The following MFSD2A variants were observed in gnomAD, a reference collection of about 807,000 sequenced individuals.
MFSD2A encodes sodium-dependent lysophosphatidylcholine symporter 1.
Under a neutral mutation model 64.7 loss-of-function variants are expected in MFSD2A, and 27 were observed. The observed-to-expected ratio is 0.42, with a 90% CI of 0.31 to 0.58. The LOEUF is 0.58. Ranked by LOEUF, MFSD2A falls within the 20% of genes least tolerant of loss-of-function variation. MFSD2A has a pLI of 0.18. For missense variants in MFSD2A, 474 were observed against 679.5 expected (o/e 0.70, Z 3.36); for synonymous variants, 258 against 273.4 (o/e 0.94, Z 0.55).
At position 39,965,334 on chromosome 1, in the gene MFSD2A, G is replaced by A. The variant is rs368484982; in HGVS notation, c.477G>A (p.Thr159=). Residue 159 remains threonine (T), a splice_region_variant and synonymous_variant, in exon 4 of 14, where the codon ACG becomes ACA. Coordinates refer to ENST00000372811, the MANE Select transcript of MFSD2A (RefSeq NM_032793.5). This position sits in a 1 kb window ranked among gnomAD's most constrained non-coding sequence, Gnocchi z 5.5. ...ATTGCCTCTTTGAAACAATGGTCACGGTGAGTGTGGGTACCTCCCTTGGGT... is the reference window on the plus strand; with the variant it reads ...ATTGCCTCTTTGAAACAATGGTCACAGTGAGTGTGGGTACCTCCCTTGGGT... The part of the protein sequence containing the change: ...LFYCLFETMV[T]CFHVPYSALT... 5.0e-6 allele frequency: 8 copies of A among 1,614,082 alleles called. No homozygotes were observed. The East Asian group carries it at 6.7e-5, about 13-fold the overall frequency.
intron 1 of MFSD2A, 82 bp from the exon 2 acceptor site, chr1:39,957,005 C>T: frequency 6.6e-7 from 1 of 1,517,108 alleles, no homozygotes; most frequent in Non-Finnish European, 9.1e-7. Context: ...GTAGAGCTGG[C>T]CAGAGGGATG....
chr1:39,968,617 G>A lies in MFSD2A; in HGVS notation c.1401G>A (p.Lys467=). The change falls in exon 13 of 14, where the codon AAG becomes AAA. Residue 467 remains lysine (K), a synonymous_variant. Transcript: ENST00000372811. This position sits in a 1 kb window ranked among gnomAD's most constrained non-coding sequence, Gnocchi z 4.4. The stretch of plus-strand genomic sequence containing the variant: ...GCTGCTCGCAGCCGGAACGTGTCAA[G>A]TTTACACTGAACATGCTCGTGACCA... ...TRGCSQPERV[K]FTLNMLVTMA... 5.0e-6 allele frequency: 8 copies of A among 1,614,184 alleles called. No homozygotes were observed. The highest frequency in any genetic ancestry group is 1.3e-5 in the African/African-American group (1 of 75,030).
chr1:39,962,222 C>T (rs929079961), intron 3 of MFSD2A, among the ~76,000 whole-genome samples: 7 of 152,168 alleles, frequency 4.6e-5, no homozygotes, highest in South Asian at 2.1e-4. Flanking sequence ...AGGCCTGATA[C>T]GCACCTATCT....
At chr1:39,961,713 T>C (rs1380032187) in intron 3 of MFSD2A, among the ~76,000 whole-genome samples, 1 of 151,760 alleles carries the variant, frequency 6.6e-6, no homozygotes. Context: ...GGTCTTGTTA[T>C]GTTGCCCAGG....
In MFSD2A at chr1:39,955,728, G is replaced by T. The variant is rs1224914674; in HGVS notation, c.93+343G>T. 1.9e-6 allele frequency: 1 copy of T among 538,868 alleles called. No homozygotes were observed. 33.4% of individuals were successfully genotyped at this position (538,868 alleles called of 1,614,324 possible). On this transcript the variant is annotated intron_variant, in intron 1 of 13. Transcript: ENST00000372811. The surrounding 1 kb of genome is among the most constrained non-coding windows in gnomAD (Gnocchi z 5.9). The stretch of plus-strand genomic sequence containing the variant: ...CCCAGAGATGACCCCAGAAATCTGG[G>T]AAACTCCCCTTGGTTCCCCATCTCT...
rs1645146543 is a variant in MFSD2A, at chr1:39,965,730, T to C, written c.557-127T>C. 1 of 1,297,866 alleles carries C rather than the reference T, an allele frequency of 7.7e-7. No homozygotes were observed. The highest frequency in any genetic ancestry group is 2.0e-5 in the Admixed American group (1 of 49,720). The allele number at this position is 1,297,866 out of a possible 1,614,324, so 80.4% of individuals were successfully genotyped here. A position where few individuals can be genotyped will look rare whatever the true frequency, so the allele number is the denominator to read the frequency against. Reference sequence around the variant, plus strand: ...AGGTGCATATGCGTTCAAACCAAGGTGTCACCTACCCCACTACCTCTACCC... The same window carrying C: ...AGGTGCATATGCGTTCAAACCAAGGCGTCACCTACCCCACTACCTCTACCC... On this transcript the variant is annotated intron_variant, in intron 5 of 13. Transcript: ENST00000372811. The surrounding 1 kb of genome is among the most constrained non-coding windows in gnomAD (Gnocchi z 5.5).
intron 2 of MFSD2A, among the ~76,000 whole-genome samples, chr1:39,957,513 T>A (rs1357732435): frequency 6.6e-6 from 1 of 152,190 alleles, no homozygotes; most frequent in African/African-American, 2.4e-5. Context: ...TGGGGCCTGC[T>A]GGGGATGCTG....
rs767532070 is a variant in MFSD2A at position 39,968,145 on chromosome 1, C to A, written c.1209-189C>A. The A allele has an allele frequency of 1.8e-5, 13 of 725,134 alleles. No individual in the cohort carries two copies. Among genetic ancestry groups the A allele is most frequent in the Non-Finnish European group, 2.9e-5 (13 of 449,094 alleles). 44.9% of individuals were successfully genotyped at this position (725,134 alleles called of 1,614,324 possible). ...AATCTGGCCTGGGCTCCACTTGCCACGCTGAGCACCTCCAGGCAGGGTTAC... is the reference window on the plus strand; with the variant it reads ...AATCTGGCCTGGGCTCCACTTGCCAAGCTGAGCACCTCCAGGCAGGGTTAC... On this transcript the variant is annotated intron_variant, in intron 11 of 13. Coordinates refer to ENST00000372811, the MANE Select transcript of MFSD2A (RefSeq NM_032793.5). The surrounding 1 kb of genome is among the most constrained non-coding windows in gnomAD (Gnocchi z 4.4).
At position 39,965,842 on chromosome 1, in the gene MFSD2A, CTTT is replaced by C; in HGVS notation, c.557-13_557-11del. The C allele has an allele frequency of 1.2e-6, 2 of 1,613,226 alleles. No individual in the cohort carries two copies. Among genetic ancestry groups the C allele is most frequent in the Non-Finnish European group, 1.7e-6 (2 of 1,179,878 alleles). Reference sequence around the variant, plus strand: ...CCATGAGGCCCCTCCAAAACACCTCCTTTTCTCCTGCCAGGGATGACTGTGGAA... The same window carrying C: ...CCATGAGGCCCCTCCAAAACACCTCCTCTCCTGCCAGGGATGACTGTGGAA... On this transcript the variant is annotated splice_polypyrimidine_tract_variant and intron_variant, in intron 5 of 13. Transcript: ENST00000372811. The surrounding 1 kb of genome is among the most constrained non-coding windows in gnomAD (Gnocchi z 5.5).
At position 39,959,000 on chromosome 1, in the gene MFSD2A, G is replaced by A. The variant is rs531212258; in HGVS notation, c.353+175G>A. 6.6e-6 allele frequency among the ~76,000 whole-genome samples: 1 copy of A among 152,154 alleles called. No homozygotes were observed. The highest frequency in any genetic ancestry group is 2.4e-5 in the African/African-American group (1 of 41,414). On this transcript the variant is annotated intron_variant, in intron 3 of 13. Coordinates refer to ENST00000372811, the MANE Select transcript of MFSD2A (RefSeq NM_032793.5). This position sits in a 1 kb window ranked among gnomAD's most constrained non-coding sequence, Gnocchi z 4.7. ...TCAGCTACCCTGAGCACGGGCACTG[G>A]CATGCTCAGCCAGTTCATTTCCAGG...
intron 3 of MFSD2A, among the ~76,000 whole-genome samples, chr1:39,959,219 T>C (rs1028636783): frequency 6.6e-6 from 1 of 151,940 alleles, no homozygotes; most frequent in South Asian, 2.1e-4. Flanking sequence ...TTTTTATCTT[T>C]CTTTCTCTTT....
rs1311108874 is a variant in MFSD2A at position 39,966,954 on chromosome 1, C to A, written c.927+22C>A. ...CATGGTGAGTGGGTTCTGACATGCTCAGCCTGAGAAGGAGGTGTAATGGGA... is the reference window on the plus strand; with the variant it reads ...CATGGTGAGTGGGTTCTGACATGCTAAGCCTGAGAAGGAGGTGTAATGGGA... On this transcript the variant is annotated intron_variant, in intron 8 of 13. Transcript: ENST00000372811. 2.5e-6 allele frequency: 4 copies of A among 1,613,066 alleles called. No individual in the cohort carries two copies. The African/African-American group carries it at 5.3e-5, about 22-fold the overall frequency.
At position 39,958,196 on chromosome 1, in the gene MFSD2A, G is replaced by C. The variant is rs1290711026; in HGVS notation, c.229-505G>C. Among the ~76,000 whole-genome samples, 1 of 151,908 alleles carries C rather than the reference G, an allele frequency of 6.6e-6. No individual in the cohort carries two copies. The highest frequency in any genetic ancestry group is 2.4e-5 in the African/African-American group (1 of 41,310). On this transcript the variant is annotated intron_variant, in intron 2 of 13. Transcript: ENST00000372811. This position sits in a 1 kb window ranked among gnomAD's most constrained non-coding sequence, Gnocchi z 4.7. Reference sequence around the variant, plus strand: ...TGGGGGGTTTTGGGGCGGGGAGGGGGATAACTTGAGTGGGTAGTGACAAGT... The same window carrying C: ...TGGGGGGTTTTGGGGCGGGGAGGGGCATAACTTGAGTGGGTAGTGACAAGT...
In MFSD2A at chr1:39,968,083, G is replaced by A; in HGVS notation, c.1208+167G>A. On this transcript the variant is annotated intron_variant, in intron 11 of 13. Coordinates refer to ENST00000372811, the MANE Select transcript of MFSD2A (RefSeq NM_032793.5). This position sits in a 1 kb window ranked among gnomAD's most constrained non-coding sequence, Gnocchi z 4.4. ...TACAGTTGTACAGGTAGTGAGCTTT[G>A]CAAGAACACCTAGTCAGAGTGAAAA... is the stretch of plus-strand genomic sequence containing the variant. 3.1e-6 allele frequency: 2 copies of A among 642,088 alleles called. No individual in the cohort carries two copies. The highest frequency in any genetic ancestry group is 4.2e-4 in the Middle Eastern group (1 of 2,374). 39.8% of individuals were successfully genotyped at this position (642,088 alleles called of 1,614,324 possible). A position where few individuals can be genotyped will look rare whatever the true frequency, so the allele number is the denominator to read the frequency against.
chr1:39,957,087 A>G lies in MFSD2A; in HGVS notation c.94A>G (p.Lys32Glu). The G allele has an allele frequency of 6.2e-7, 1 of 1,614,168 alleles. No individual in the cohort carries two copies. The highest frequency in any genetic ancestry group is 8.5e-7 in the Non-Finnish European group (1 of 1,180,028). ...QSTERPAQVK[K>E]EPKKKKQQLS... ...TTTCATCTTTTCCTCCTCTTCCCAG[A>G]AAGAACCGAAAAAGAAGAAACAACA... is the stretch of plus-strand genomic sequence containing the variant. The change falls in exon 2 of 14, where the codon AAA (lysine) becomes GAA (glutamate). Residue 32 changes from lysine (K) to glutamate (E), a missense_variant and splice_region_variant. By Grantham distance (56) the Lys-to-Glu change is moderately conservative. Transcript: ENST00000372811.
At chr1:39,969,430 A>G (rs1645235607) in intron 13 of MFSD2A, 75 bp from the exon 14 acceptor site, 4 of 1,324,652 alleles carry the variant, frequency 3.0e-6, no homozygotes, top group Non-Finnish European at 4.2e-6. Context: ...AGATCACGTG[A>G]GGAAGGAGGC....
chr1:39,966,658 G>A lies in MFSD2A; in HGVS notation c.772G>A (p.Val258Ile). The A allele has an allele frequency of 6.2e-7, 1 of 1,614,068 alleles. No individual in the cohort carries two copies. Among genetic ancestry groups the A allele is most frequent in the Non-Finnish European group, 8.5e-7 (1 of 1,180,002 alleles). ...VIVCIYIICA[V>I]ILILGVREQR... ...TGTCTGTATCTATATAATCTGTGCTGTCATCCTGATCCTGGGCGTGCGGGA... is the reference window on the plus strand; with the variant it reads ...TGTCTGTATCTATATAATCTGTGCTATCATCCTGATCCTGGGCGTGCGGGA... Residue 258 changes from valine (V) to isoleucine (I), a missense_variant, in exon 7 of 14, where the codon GTC (valine) becomes ATC (isoleucine). Val to Ile is a conservative substitution (Grantham distance 29). Coordinates refer to ENST00000372811, the MANE Select transcript of MFSD2A (RefSeq NM_032793.5).
rs560293410 is a variant in MFSD2A, at chr1:39,960,235, G to A, written c.353+1410G>A. 6.6e-6 allele frequency among the ~76,000 whole-genome samples: 1 copy of A among 152,198 alleles called. No homozygotes were observed. Among genetic ancestry groups the A allele is most frequent in the South Asian group, 2.1e-4 (1 of 4,836 alleles). On this transcript the variant is annotated intron_variant, in intron 3 of 13. Coordinates refer to ENST00000372811, the MANE Select transcript of MFSD2A (RefSeq NM_032793.5). The surrounding 1 kb of genome is among the most constrained non-coding windows in gnomAD (Gnocchi z 4.8). Reference sequence around the variant, plus strand: ...CAGGACATCCTGCTTCAGGGTGTGGGGGGGCATACCCCTTTCATCTCCAGC... The same window carrying A: ...CAGGACATCCTGCTTCAGGGTGTGGAGGGGCATACCCCTTTCATCTCCAGC...
At chr1:39,956,352 C>T (rs1644928195) in intron 1 of MFSD2A, among the ~76,000 whole-genome samples, 1 of 152,168 alleles carries the variant, frequency 6.6e-6, no homozygotes, top group Non-Finnish European at 1.5e-5. Context: ...TGGGCCGGGC[C>T]CCCGTAGCTC....
Sources: allele counts gnomAD v4.1 joint callset (sites outside exome capture counted in the v4.1 genomes callset), GRCh38; gene constraint gnomAD v4.1.1; non-coding constraint Gnocchi (gnomAD v3.1); transcripts MANE v1.5; gene names NCBI Gene and HGNC (gene_info 2026-07-23, HGNC 2026-07-21).